Variants in CNTNAP3B observed in about 807,000 individuals in gnomAD.
CNTNAP3B encodes contactin associated protein family member 3B.
In CNTNAP3B, 25 loss-of-function variants were observed where a neutral mutation model predicts 108.9. The observed-to-expected ratio is 0.23, with a 90% CI of 0.17 to 0.32. The LOEUF is 0.32. CNTNAP3B is among the 10% of genes least tolerant of loss of function. The probability of loss-of-function intolerance (pLI) is 1.00; values close to 1 mark genes in which losing one functional copy is unlikely to be tolerated. For missense variants in CNTNAP3B, 252 were observed against 1,210.4 expected (o/e 0.21, Z 11.75); for synonymous variants, 103 against 473.4 (o/e 0.22, Z 10.16).
chr9:41,924,106 G>T lies in CNTNAP3B; in HGVS notation c.2366-13C>A, dbSNP rs1289655595. 6.2e-7 allele frequency: 1 copy of T among 1,611,722 alleles called. No homozygotes were observed. Among genetic ancestry groups the T allele is most frequent in the East Asian group, 2.2e-5 (1 of 44,900 alleles). ...TTCCAAAATGACTCTGTTTACAATAGAGAAAACGACAAAAGGAAAAAAAGT... is the reference window on the plus strand; with the variant it reads ...TTCCAAAATGACTCTGTTTACAATATAGAAAACGACAAAAGGAAAAAAAGT... On this transcript the variant is annotated splice_polypyrimidine_tract_variant and intron_variant, in intron 15 of 23. Coordinates refer to ENST00000377561, the MANE Select transcript of CNTNAP3B (RefSeq NM_001201380.3).
At chr9:42,041,620 C>A (rs1409713317) in intron 3 of CNTNAP3B, among the ~76,000 whole-genome samples, 13,991 of 112,006 alleles carry the variant, frequency 0.12, 143 homozygotes, top group Middle Eastern at 0.19. Flanking sequence ...AGAAATAGGA[C>A]CACTTTTGCA....
chr9:42,120,465 A>G (rs1310084777), intron 1 of CNTNAP3B, among the ~76,000 whole-genome samples: 1 of 137,978 alleles, frequency 7.2e-6, no homozygotes, highest in Non-Finnish European at 1.5e-5. Flanking sequence ...CAGCCATCCC[A>G]TTACTGGGTA....
At chr9:41,958,204 C>T (rs1328981115) in intron 12 of CNTNAP3B, among the ~76,000 whole-genome samples, 1 of 152,030 alleles carries the variant, frequency 6.6e-6, no homozygotes, top group Admixed American at 6.5e-5. Context: ...AACTCCCAGG[C>T]TCAAGCGATC....
intron 15 of CNTNAP3B, among the ~76,000 whole-genome samples, chr9:41,925,394 C>T (rs1360212044): frequency 6.6e-6 from 1 of 152,192 alleles, no homozygotes; most frequent in Non-Finnish European, 1.5e-5. Flanking sequence ...GAGATCCAGA[C>T]CATCCTGGCT....
In CNTNAP3B at chr9:42,096,314, A is replaced by C. The variant is rs1204390177; in HGVS notation, c.196+8315T>G. ...GGGCAGTCCCCACCTCTCTATGCAT[A>C]CTATCGTGCAGTCCTGCTGAGGGTT... On this transcript the variant is annotated intron_variant, in intron 2 of 23. Coordinates refer to ENST00000377561, the MANE Select transcript of CNTNAP3B (RefSeq NM_001201380.3). 1.2e-4 allele frequency among the ~76,000 whole-genome samples: 17 copies of C among 138,466 alleles called. 1 individual carries two copies. The East Asian group carries it at 1.8e-3, about 14-fold the overall frequency. The allele number at this position is 138,466 out of a possible 152,430, so 90.8% of individuals were successfully genotyped here. A position where few individuals can be genotyped will look rare whatever the true frequency, so the allele number is the denominator to read the frequency against.
In CNTNAP3B at chr9:42,115,477, G is replaced by T. The variant is rs1188274235; in HGVS notation, c.86-10738C>A. Among the ~76,000 whole-genome samples the T allele has an allele frequency of 1.4e-5, 2 of 139,758 alleles. 1 individual carries two copies. Among genetic ancestry groups the T allele is most frequent in the East Asian group, 4.4e-4 (2 of 4,580 alleles). The allele number at this position is 139,758 out of a possible 152,430, so 91.7% of individuals were successfully genotyped here. ...AGACAACTCCCAGTAGGGGCTGACT[G>T]ACACCGCATACAGCCAGGTGCCCCT... is the stretch of plus-strand genomic sequence containing the variant. On this transcript the variant is annotated intron_variant, in intron 1 of 23. Coordinates refer to ENST00000377561, the MANE Select transcript of CNTNAP3B (RefSeq NM_001201380.3).
At chr9:41,942,521 G>A (rs1387429283) in intron 13 of CNTNAP3B, among the ~76,000 whole-genome samples, 1 of 151,466 alleles carries the variant, frequency 6.6e-6, no homozygotes, top group Non-Finnish European at 1.5e-5. Flanking sequence ...TGAGGCGGGA[G>A]AATGGCGTGA....
In CNTNAP3B at chr9:42,094,050, C is replaced by T. The variant is rs1303306861; in HGVS notation, c.196+10579G>A. On this transcript the variant is annotated intron_variant, in intron 2 of 23. Transcript: ENST00000377561. ...AAGGAATTTGTCCAAAGTCACACAGCTAGTAAGGGGTAGAGCCTGGATGAT... is the reference window on the plus strand; with the variant it reads ...AAGGAATTTGTCCAAAGTCACACAGTTAGTAAGGGGTAGAGCCTGGATGAT... 2.2e-5 allele frequency among the ~76,000 whole-genome samples: 3 copies of T among 135,868 alleles called. 1 individual carries two copies. The highest frequency in any genetic ancestry group is 8.8e-5 in the African/African-American group (3 of 34,010). 89.1% of individuals were successfully genotyped at this position (135,868 alleles called of 152,430 possible).
At chr9:42,086,400 TTTTTTTACA>T (rs1827704797) in intron 2 of CNTNAP3B, among the ~76,000 whole-genome samples, 1 of 138,234 alleles carries the variant, frequency 7.2e-6, no homozygotes, top group South Asian at 2.3e-4. Flanking sequence ...ATATATAAAT[TTTTTTTACA>T]TTTTTTACAT....
At chr9:41,940,963 GAA>G (rs1174750306) in intron 13 of CNTNAP3B, among the ~76,000 whole-genome samples, 5 of 152,262 alleles carry the variant, frequency 3.3e-5, no homozygotes, top group African/African-American at 1.2e-4. Context: ...GGAAAAAAAT[GAA>G]AAGAGAAGAA....
rs2320750 is a variant in CNTNAP3B, at chr9:42,002,871, C to A, written c.539-4267G>T. 4.6e-5 allele frequency among the ~76,000 whole-genome samples: 6 copies of A among 130,970 alleles called. 2 individuals carry two copies. The highest frequency in any genetic ancestry group is 5.0e-4 in the South Asian group (2 of 4,030). The allele number at this position is 130,970 out of a possible 152,430, so 85.9% of individuals were successfully genotyped here. On this transcript the variant is annotated intron_variant, in intron 4 of 23. Transcript: ENST00000377561. ...AGTTGCTATTTCCTTTATTTCCTTACGCCATATTTTATCTTCACATTTTAC... is the reference window on the plus strand; with the variant it reads ...AGTTGCTATTTCCTTTATTTCCTTAAGCCATATTTTATCTTCACATTTTAC...
intron 18 of CNTNAP3B, among the ~76,000 whole-genome samples, chr9:41,919,496 T>C (rs1248606856): frequency 6.6e-6 from 1 of 152,252 alleles, no homozygotes; most frequent in South Asian, 2.1e-4. Context: ...TCAAACATCA[T>C]AGAGCAAAGT....
At chr9:42,035,289 C>T (rs1826600962) in intron 3 of CNTNAP3B, among the ~76,000 whole-genome samples, 1 of 144,486 alleles carries the variant, frequency 6.9e-6, no homozygotes, top group Non-Finnish European at 1.5e-5. Context: ...AGCAAGTGAG[C>T]TCACCAAGGT....
intron 12 of CNTNAP3B, among the ~76,000 whole-genome samples, chr9:41,958,206 C>A (rs1284418584): frequency 6.6e-6 from 1 of 152,290 alleles, no homozygotes; most frequent in Non-Finnish European, 1.5e-5. Context: ...CTCCCAGGCT[C>A]AAGCGATCCT....
rs1307764222 is a variant in CNTNAP3B at position 41,953,173 on chromosome 9, T to G, written c.2080+10A>C. 25 of 1,517,718 alleles carry G rather than the reference T, an allele frequency of 1.6e-5. 1 individual carries two copies. Among genetic ancestry groups the G allele is most frequent in the Non-Finnish European group, 2.0e-5 (23 of 1,142,056 alleles). 94.0% of individuals were successfully genotyped at this position (1,517,718 alleles called of 1,614,324 possible). A position where few individuals can be genotyped will look rare whatever the true frequency, so the allele number is the denominator to read the frequency against. On this transcript the variant is annotated intron_variant, in intron 13 of 23. Transcript: ENST00000377561. ...CGTGAGCCCCTGTAGCCTCCAGCAGTGGCGCTTACCTCGTGAGTCCGGGCG... is the reference window on the plus strand; with the variant it reads ...CGTGAGCCCCTGTAGCCTCCAGCAGGGGCGCTTACCTCGTGAGTCCGGGCG...
intron 10 of CNTNAP3B, among the ~76,000 whole-genome samples, chr9:41,967,531 A>C (rs1825317936): frequency 6.6e-6 from 1 of 152,288 alleles, no homozygotes; most frequent in African/African-American, 2.4e-5. Context: ...TAATACAATT[A>C]GATTTTTGTT....
In CNTNAP3B at chr9:42,104,778, T is replaced by C. The variant is rs1047151319; in HGVS notation, c.86-39A>G. ...TACCGTGATATGGTTAACACTCAGA[T>C]TGCAGCTTGGGAGAAATAATAGTCC... On this transcript the variant is annotated intron_variant, in intron 1 of 23. Coordinates refer to ENST00000377561, the MANE Select transcript of CNTNAP3B (RefSeq NM_001201380.3). 5 of 693,050 alleles carry C rather than the reference T, an allele frequency of 7.2e-6. 1 individual carries two copies. In the African/African-American group the frequency reaches 1.0e-4, roughly 15 times the overall value. 42.9% of individuals were successfully genotyped at this position (693,050 alleles called of 1,614,324 possible).
rs1490566883 is a variant in CNTNAP3B at position 42,122,156 on chromosome 9, G to A, written c.85+6854C>T. ...AAATAAATCTCTTATAGTTCAAGAT[G>A]TATTGATAAGCGTGTTAAGCTTATT... is the stretch of plus-strand genomic sequence containing the variant. On this transcript the variant is annotated intron_variant, in intron 1 of 23. Transcript: ENST00000377561. Among the ~76,000 whole-genome samples the A allele has an allele frequency of 2.2e-5, 3 of 139,534 alleles. 1 individual carries two copies. The highest frequency in any genetic ancestry group is 8.5e-5 in the African/African-American group (3 of 35,294). The allele number at this position is 139,534 out of a possible 152,430, so 91.5% of individuals were successfully genotyped here.
At chr9:42,041,549 CG>C (rs1336079789) in intron 3 of CNTNAP3B, among the ~76,000 whole-genome samples, 91 of 143,488 alleles carry the variant, frequency 6.3e-4, no homozygotes, top group African/African-American at 2.4e-3. Context: ...TACCATCTCA[CG>C]CCAGTTAGAA....
Sources: gnomAD v4.1 joint callset for allele counts (sites outside exome capture counted in the v4.1 genomes callset) on GRCh38, gnomAD v4.1.1 for gene constraint, MANE v1.5 for transcripts, NCBI Gene and HGNC (gene_info 2026-07-23, HGNC 2026-07-21) for gene names.